The following STARD13 variants were observed in gnomAD, a reference collection of about 807,000 sequenced individuals.
STARD13 encodes the protein StAR related lipid transfer domain containing 13, also known as stAR-related lipid transfer protein 13.
In STARD13, 62 loss-of-function variants were observed where a neutral mutation model predicts 106.4. That is an observed-to-expected ratio of 0.58 (90% confidence interval 0.48 to 0.72). The LOEUF (loss-of-function observed/expected upper bound fraction) is 0.72. Ranked by LOEUF, STARD13 falls within the 30% of genes least tolerant of loss-of-function variation. The pLI, the probability that STARD13 is intolerant of heterozygous loss-of-function variation, is 0.00. For synonymous variants in STARD13, 565 were observed against 553.0 expected, an observed-to-expected ratio of 1.02 and a Z score of -0.31; for missense variants, 1,387 against 1,424.0, an observed-to-expected ratio of 0.97 and a Z score of 0.42.
At chr13:33,460,089 C>G in the STARD13 span, among the ~76,000 whole-genome samples, 1 of 152,120 alleles carries the variant, frequency 6.6e-6, no homozygotes, top group African/African-American at 2.4e-5. Context: ...GTTTTTTCAA[C>G]CAATTTGTAA....
chr13:33,528,188 T>TACAC, the STARD13 span, among the ~76,000 whole-genome samples: 1 of 137,752 alleles, frequency 7.3e-6, no homozygotes, highest in African/African-American at 3.0e-5. Context: ...TATATATATA[T>TACAC]ACACACACAC....
the STARD13 span, among the ~76,000 whole-genome samples, chr13:33,548,361 C>A: frequency 6.6e-6 from 1 of 151,986 alleles, no homozygotes; most frequent in African/African-American, 2.4e-5. Context: ...TTGAAAAAAA[C>A]CCAAATGTAC....
chr13:33,487,259 G>C, the STARD13 span, among the ~76,000 whole-genome samples: 11 of 152,106 alleles, frequency 7.2e-5, no homozygotes, highest in African/African-American at 2.7e-4. Context: ...TGTTGCTGTA[G>C]TTGTATTTAT....
chr13:33,657,005 C>T, the STARD13 span: 1 of 152,352 alleles, frequency 6.6e-6, no homozygotes, highest in Non-Finnish European at 1.5e-5. Flanking sequence ...CGCGGTGGCT[C>T]ACGCCTCTAA....
the STARD13 span, among the ~76,000 whole-genome samples, chr13:33,367,166 T>G: frequency 1.3e-5 from 2 of 152,240 alleles, no homozygotes. Flanking sequence ...AAAAGCATAT[T>G]TTTTATCAGG....
At chr13:33,543,797 C>T in the STARD13 span, among the ~76,000 whole-genome samples, 19 of 152,344 alleles carry the variant, frequency 1.2e-4, no homozygotes, top group Admixed American at 2.6e-4. Flanking sequence ...GATTCTGATG[C>T]TGTTGGTACT....
Position 33,105,606 on chromosome 13 carries a change from T to G in STARD13, c.3329A>C (p.Glu1110Ala). The change falls in exon 14 of 14, where the codon GAA becomes GCA. Residue 1110 changes from glutamate to alanine, a missense_variant. Coordinates refer to ENST00000336934, the MANE Select transcript of STARD13 (RefSeq NM_178006.4). ...SFQPLIAEGP[E>A]TKI ...ACTGGGCAAAACTCAGATTTTAGTT[T>G]CTGGGCCCTCAGCAATGAGGGGCTG... is the stretch of plus-strand genomic sequence containing the variant. The G allele has an allele frequency of 6.2e-7, 1 of 1,613,512 alleles. No individual in the cohort carries two copies. The highest frequency in any genetic ancestry group is 1.1e-5 in the South Asian group (1 of 91,062).
At chr13:33,420,053 A>G in the STARD13 span, among the ~76,000 whole-genome samples, 23,730 of 152,158 alleles carry the variant, frequency 0.16, 4,422 homozygotes, top group African/African-American at 0.44. Context: ...AACAATTTAC[A>G]GGCAAAATAA....
chr13:33,534,301 G>A, the STARD13 span, among the ~76,000 whole-genome samples: 1 of 152,122 alleles, frequency 6.6e-6, no homozygotes, highest in Non-Finnish European at 1.5e-5. Context: ...TCTTTGGAAT[G>A]GTATTCAAGC....
At chr13:33,560,850 A>T in the STARD13 span, among the ~76,000 whole-genome samples, 1 of 151,640 alleles carries the variant, frequency 6.6e-6, no homozygotes, top group Non-Finnish European at 1.5e-5. Context: ...AATGCCTCAC[A>T]TAATTAAATG....
the STARD13 span, among the ~76,000 whole-genome samples, chr13:33,444,591 T>A: frequency 6.6e-6 from 1 of 151,982 alleles, no homozygotes; most frequent in African/African-American, 2.4e-5. Context: ...CATGAGGAGA[T>A]CCTGTCTCTA....
At chr13:33,353,877 C>G (rs558073249), upstream of STARD13, among the ~76,000 whole-genome samples, 25 of 152,338 alleles carry the variant, frequency 1.6e-4, no homozygotes, top group Admixed American at 1.6e-3. Context: ...TCCATAAGAG[C>G]TGAGGCCCTG....
At chr13:33,255,350 C>T (rs1186934288) in intron 1 of STARD13, among the ~76,000 whole-genome samples, 1 of 152,032 alleles carries the variant, frequency 6.6e-6, no homozygotes, top group Non-Finnish European at 1.5e-5. Context: ...CTGAGAGGGA[C>T]TTTCACTATT....
intron 1 of STARD13, among the ~76,000 whole-genome samples, chr13:33,223,869 A>G (rs1888482650): frequency 6.6e-6 from 1 of 152,184 alleles, no homozygotes; most frequent in African/African-American, 2.4e-5. Flanking sequence ...AAATAAGTTC[A>G]CACATGTAAG....
At chr13:33,206,384 C>CAT (rs1887420348) in intron 1 of STARD13, among the ~76,000 whole-genome samples, 1 of 152,030 alleles carries the variant, frequency 6.6e-6, no homozygotes. Context: ...CACACACACA[C>CAT]ACACACACAC....
At chr13:33,469,747 T>C in the STARD13 span, among the ~76,000 whole-genome samples, 33,355 of 151,972 alleles carry the variant, frequency 0.22, 6,760 homozygotes, top group African/African-American at 0.54. Context: ...AAGATTAGTC[T>C]AATCTCATAC....
chr13:33,454,584 A>G, the STARD13 span, among the ~76,000 whole-genome samples: 14 of 152,172 alleles, frequency 9.2e-5, no homozygotes, highest in African/African-American at 3.1e-4. Context: ...GGCCTGTCTG[A>G]GCTCTTTCTT....
At chr13:33,291,672 C>G (rs1383760667) in intron 1 of STARD13, among the ~76,000 whole-genome samples, 8 of 152,162 alleles carry the variant, frequency 5.3e-5, no homozygotes, top group African/African-American at 1.7e-4. Context: ...AAGGGACTGT[C>G]TGCCAGGGAA....
chr13:33,667,617 T>G, the STARD13 span, among the ~76,000 whole-genome samples: 1 of 152,226 alleles, frequency 6.6e-6, no homozygotes, highest in African/African-American at 2.4e-5. Context: ...CATTAGATAA[T>G]GTATCATTAA....
Sources: gnomAD v4.1 joint callset for allele counts (sites outside exome capture counted in the v4.1 genomes callset) on GRCh38, gnomAD v4.1.1 for gene constraint, MANE v1.5 for transcripts, NCBI Gene and HGNC (gene_info 2026-07-23, HGNC 2026-07-21) for gene names.